The following FMN1 variants were observed in gnomAD, a reference collection of about 807,000 sequenced individuals.
FMN1 encodes the protein formin-1.
FMN1 carries 110 observed loss-of-function variants against 132.4 expected under a neutral mutation model. The ratio of observed to expected loss-of-function variants is 0.83; its 90% CI spans 0.71 to 0.97. FMN1 has a LOEUF of 0.97. FMN1 is among the 50% of genes least tolerant of loss of function. The probability of loss-of-function intolerance (pLI) is 0.00; values close to 1 mark genes in which losing one functional copy is unlikely to be tolerated. For synonymous variants in FMN1, 722 were observed against 651.7 expected, an observed-to-expected ratio of 1.11 and a Z score of -1.64; for missense variants, 1,792 against 1,705.3, an observed-to-expected ratio of 1.05 and a Z score of -0.90.
At chr15:33,015,041 G>A (rs997961299) in intron 6 of FMN1, among the ~76,000 whole-genome samples, 9 of 152,336 alleles carry the variant, frequency 5.9e-5, no homozygotes, top group Admixed American at 5.2e-4. Flanking sequence ...CTTTACAGAT[G>A]AGAAAACGCC....
chr15:33,089,092 A>C (rs1192549924), intron 4 of FMN1, 118 bp from the exon 5 acceptor site: 7 of 801,572 alleles, frequency 8.7e-6, no homozygotes, highest in Non-Finnish European at 1.3e-5. Flanking sequence ...TTTGCTTTCT[A>C]AGTTATATTT....
chr15:32,955,855 TGAGA>T (rs1322853562), intron 9 of FMN1, among the ~76,000 whole-genome samples: 3 of 151,992 alleles, frequency 2.0e-5, no homozygotes, highest in African/African-American at 7.2e-5. Context: ...GTGTGTGTGG[TGAGA>T]AAGGAATTCC....
chr15:32,856,962 G>A, intron 17 of FMN1, 53 bp downstream of exon 17: 1 of 1,296,984 alleles, frequency 7.7e-7, no homozygotes, highest in South Asian at 1.2e-5. Flanking sequence ...AAGATTCATG[G>A]AATGAAGGAT....
chr15:33,182,011 G>A (rs554088662), intron 2 of FMN1, among the ~76,000 whole-genome samples: 11 of 151,980 alleles, frequency 7.2e-5, no homozygotes, highest in Non-Finnish European at 1.0e-4. Flanking sequence ...TACCCGGCCC[G>A]TGATTATATT....
At chr15:32,780,864 C>A (rs189514570) in intron 19 of FMN1, among the ~76,000 whole-genome samples, 2 of 151,902 alleles carry the variant, frequency 1.3e-5, no homozygotes, top group East Asian at 3.9e-4. Flanking sequence ...CTACACTGTG[C>A]GTATAATTTT....
intron 7 of FMN1, among the ~76,000 whole-genome samples, chr15:32,975,349 A>G (rs1295691519): frequency 1.3e-5 from 2 of 152,194 alleles, no homozygotes; most frequent in African/African-American, 4.8e-5. Flanking sequence ...AGCCATCCAC[A>G]AATGCTTATT....
At chr15:32,984,647 T>C (rs1328790380) in intron 7 of FMN1, among the ~76,000 whole-genome samples, 1 of 152,200 alleles carries the variant, frequency 6.6e-6, no homozygotes, top group Non-Finnish European at 1.5e-5. Flanking sequence ...TCAGAAGCTA[T>C]GAGCACAACC....
In FMN1 at chr15:32,799,986, T is replaced by C. The variant is rs79771352; in HGVS notation, c.3981-1033A>G. Among the ~76,000 whole-genome samples the C allele has an allele frequency of 4.8e-3, 732 of 152,260 alleles. 32 individuals carry two copies. The East Asian group carries it at 0.11, about 22-fold the overall frequency. ...CAGACACAGTGGTTTTTTTTTTGTGTGTGGCCATCCTGAATACTGATTTTC... is the reference window on the plus strand; with the variant it reads ...CAGACACAGTGGTTTTTTTTTTGTGCGTGGCCATCCTGAATACTGATTTTC... On this transcript the variant is annotated intron_variant, in intron 18 of 20. Coordinates refer to ENST00000616417, the MANE Select transcript of FMN1 (RefSeq NM_001277313.2).
chr15:32,888,165 C>T lies in FMN1; in HGVS notation c.3835+7G>A, dbSNP rs1464194919. 5 of 1,601,706 alleles carry T rather than the reference C, an allele frequency of 3.1e-6. No homozygotes were observed. Among genetic ancestry groups the T allele is most frequent in the Non-Finnish European group, 4.3e-6 (5 of 1,175,566 alleles). ...TATTATCATAATAGCAGAACAGTTC[C>T]TATTACCTTCTAGTTGCCTCTTCAG... On this transcript the variant is annotated splice_region_variant and intron_variant, in intron 16 of 20. Transcript: ENST00000616417.
chr15:33,054,068 C>G (rs925030993), intron 6 of FMN1, among the ~76,000 whole-genome samples: 6 of 152,160 alleles, frequency 3.9e-5, no homozygotes, highest in African/African-American at 1.2e-4. Context: ...AAGATGTGAA[C>G]CTTCCGGTGT....
At chr15:32,849,854 G>A (rs918458621) in intron 17 of FMN1, among the ~76,000 whole-genome samples, 11 of 151,918 alleles carry the variant, frequency 7.2e-5, no homozygotes, top group African/African-American at 2.4e-4. Context: ...ATGGGGTTTC[G>A]CCATGTTGGC....
At chr15:33,030,123 A>C (rs558613730) in intron 6 of FMN1, among the ~76,000 whole-genome samples, 2 of 152,342 alleles carry the variant, frequency 1.3e-5, no homozygotes, top group South Asian at 4.1e-4. Context: ...GCACCACTGC[A>C]CTCCAGCCTG....
chr15:33,015,513 G>A (rs2034990652), intron 6 of FMN1, among the ~76,000 whole-genome samples: 2 of 151,990 alleles, frequency 1.3e-5, no homozygotes, highest in South Asian at 2.1e-4. Flanking sequence ...AGCCTCCACC[G>A]CATCACACAC....
At chr15:33,043,701 G>GA (rs1433387134) in intron 6 of FMN1, among the ~76,000 whole-genome samples, 2 of 152,262 alleles carry the variant, frequency 1.3e-5, no homozygotes, top group African/African-American at 4.8e-5. Flanking sequence ...CCACTGCCAT[G>GA]ATGCTGGCTG....
intron 4 of FMN1, among the ~76,000 whole-genome samples, chr15:33,128,439 G>T (rs1033640620): frequency 1.3e-5 from 2 of 152,024 alleles, no homozygotes; most frequent in Admixed American, 6.5e-5. Flanking sequence ...CCTCCTAAAA[G>T]AATTTTTATT....
At chr15:32,931,207 T>C (rs2061107722) in intron 9 of FMN1, among the ~76,000 whole-genome samples, 1 of 152,192 alleles carries the variant, frequency 6.6e-6, no homozygotes, top group Non-Finnish European at 1.5e-5. Context: ...TTTAGGATTG[T>C]TTTTTCCTAT....
intron 6 of FMN1, among the ~76,000 whole-genome samples, chr15:33,029,247 T>G (rs2035822033): frequency 6.6e-6 from 1 of 150,674 alleles, no homozygotes; most frequent in African/African-American, 2.4e-5. Context: ...GGAAACACAT[T>G]TTATGAACAC....
At chr15:33,012,838 G>A in intron 6 of FMN1, 1 of 625,840 alleles carries the variant, frequency 1.6e-6, no homozygotes, top group South Asian at 1.4e-5. Flanking sequence ...TAGCAGTGGG[G>A]GTGGCTATAA....
chr15:32,811,669 C>G lies in FMN1; in HGVS notation c.3929-7337G>C, dbSNP rs192061051. ...CTTGTCTTTTTCATCATTTTATTTG[C>G]TTTTTTTTTTTTTGAGACGGAGTCT... On this transcript the variant is annotated intron_variant, in intron 17 of 20. Coordinates refer to ENST00000616417, the MANE Select transcript of FMN1 (RefSeq NM_001277313.2). Among the ~76,000 whole-genome samples the G allele has an allele frequency of 6.2e-4, 90 of 145,262 alleles. No individual in the cohort carries two copies. In the East Asian group the frequency reaches 9.2e-3, roughly 15 times the overall value.
Sources: allele counts gnomAD v4.1 joint callset (sites outside exome capture counted in the v4.1 genomes callset), GRCh38; gene constraint gnomAD v4.1.1; transcripts MANE v1.5; gene names NCBI Gene and HGNC (gene_info 2026-07-23, HGNC 2026-07-21).